N4BP2L2: variants seen among roughly 807,000 people sequenced by gnomAD.
The protein encoded by N4BP2L2 is NEDD4-binding protein 2-like 2.
A neutral mutation model predicts 56.2 loss-of-function variants in N4BP2L2; 50 were observed. The ratio of observed to expected loss-of-function variants is 0.89; its 90% CI spans 0.71 to 1.13. The LOEUF is 1.13. Among genes scored for constraint, N4BP2L2 ranks in the 50% most tolerant of loss-of-function variants. N4BP2L2 has a pLI of 0.00. For synonymous variants in N4BP2L2, 203 were observed against 223.6 expected (o/e 0.91, Z 0.82); for missense variants, 689 against 693.8 (o/e 0.99, Z 0.08).
downstream of N4BP2L2, among the ~76,000 whole-genome samples, chr13:32,509,652 T>C (rs968404192): frequency 2.0e-5 from 3 of 152,326 alleles, no homozygotes; most frequent in African/African-American, 7.2e-5. Flanking sequence ...TTACTTATAT[T>C]CTAGATAAAT....
chr13:32,438,840 A>G (rs1460774995), intron 7 of N4BP2L2: 1 of 749,516 alleles, frequency 1.3e-6, no homozygotes, highest in Non-Finnish European at 2.2e-6. Context: ...CATACCATTA[A>G]AAGTCTGGTT....
intron 6 of N4BP2L2, among the ~76,000 whole-genome samples, chr13:32,468,911 G>A (rs1802100973): frequency 6.6e-6 from 1 of 152,226 alleles, no homozygotes; most frequent in Admixed American, 6.5e-5. Context: ...CAACCTTGTA[G>A]CCCAGGGAAT....
intron 5 of N4BP2L2, among the ~76,000 whole-genome samples, chr13:32,520,972 G>A (rs142043972): frequency 3.7e-4 from 57 of 152,310 alleles, no homozygotes; most frequent in Non-Finnish European, 7.2e-4. Context: ...ATATTAAGAT[G>A]TTTGATTATA....
At chr13:32,451,827 C>CA (rs774383910) in intron 6 of N4BP2L2, among the ~76,000 whole-genome samples, 1 of 151,758 alleles carries the variant, frequency 6.6e-6, no homozygotes, top group South Asian at 2.1e-4. Flanking sequence ...CACACACAGC[C>CA]AAAAACACAA....
At chr13:32,521,860 C>T (rs1007150396) in intron 4 of N4BP2L2, 2 of 303,994 alleles carry the variant, frequency 6.6e-6, no homozygotes, top group Non-Finnish European at 1.2e-5. Flanking sequence ...CCTATAATCT[C>T]AGCTACTCAG....
At chr13:32,444,603 G>A (rs1824438612) in intron 6 of N4BP2L2, among the ~76,000 whole-genome samples, 1 of 152,190 alleles carries the variant, frequency 6.6e-6, no homozygotes, top group Non-Finnish European at 1.5e-5. Flanking sequence ...TTTAAAAAGA[G>A]ATATTTTAAT....
downstream of N4BP2L2, among the ~76,000 whole-genome samples, chr13:32,509,691 C>T (rs2091471746): frequency 6.6e-6 from 1 of 152,192 alleles, no homozygotes; most frequent in Admixed American, 6.5e-5. Context: ...CCAAGGGTTA[C>T]ATTGAACTAT....
chr13:32,452,519 T>G (rs757617548), intron 6 of N4BP2L2, among the ~76,000 whole-genome samples: 8 of 152,212 alleles, frequency 5.3e-5, no homozygotes, highest in Non-Finnish European at 1.0e-4. Context: ...CAAAACATTA[T>G]GATTTAACTG....
At position 32,536,224 on chromosome 13, in the gene N4BP2L2, C is replaced by G. The variant is rs35935628; in HGVS notation, c.804G>C (p.Trp268Cys). 2,110 of 1,613,876 alleles carry G rather than the reference C, an allele frequency of 1.3e-3. 30 individuals carry two copies. The African/African-American group carries it at 0.026, about 20-fold the overall frequency. Residue 268 changes from tryptophan to cysteine, a missense_variant, in exon 2 of 6, where the codon TGG becomes TGC. Coordinates refer to ENST00000267068, the Ensembl canonical transcript of N4BP2L2. Reference sequence around the variant, plus strand: ...GCACTATAAAAGGATATACTGACTGCCATTCAGGCCTGAAAGAAGTAAATG... The same window carrying G: ...GCACTATAAAAGGATATACTGACTGGCATTCAGGCCTGAAAGAAGTAAATG...
chr13:32,441,757 G>T (rs1478116895), intron 7 of N4BP2L2, among the ~76,000 whole-genome samples: 4 of 147,506 alleles, frequency 2.7e-5, no homozygotes, highest in South Asian at 4.3e-4. Context: ...AAAGTAGAAA[G>T]GTTTGGCCGG....
chr13:32,475,523 T>A (rs2083158369), intron 6 of N4BP2L2, among the ~76,000 whole-genome samples: 2 of 152,202 alleles, frequency 1.3e-5, no homozygotes, highest in Non-Finnish European at 2.9e-5. Context: ...GTATGACGTC[T>A]ACATAATGCA....
At chr13:32,535,405 A>C (rs912205180) in intron 2 of N4BP2L2, among the ~76,000 whole-genome samples, 1 of 152,230 alleles carries the variant, frequency 6.6e-6, no homozygotes, top group Non-Finnish European at 1.5e-5. Context: ...CCTTAGCAGA[A>C]TCTAAATATA....
intron 6 of N4BP2L2, among the ~76,000 whole-genome samples, chr13:32,460,009 A>G (rs183181378): frequency 3.9e-5 from 6 of 152,334 alleles, no homozygotes; most frequent in African/African-American, 1.4e-4. Context: ...AACATACACA[A>G]ATCAATAAAC....
chr13:32,466,141 C>T (rs991169119), intron 6 of N4BP2L2, among the ~76,000 whole-genome samples: 3 of 152,128 alleles, frequency 2.0e-5, no homozygotes, highest in African/African-American at 7.2e-5. Flanking sequence ...GAAAACAACC[C>T]ATCTATCCAT....
chr13:32,436,807 AAAAG>A (rs1325000092), intron 8 of N4BP2L2, among the ~76,000 whole-genome samples: 4 of 119,860 alleles, frequency 3.3e-5, no homozygotes, highest in African/African-American at 4.6e-5. Context: ...AAAAAAAAAA[AAAAG>A]AAAGGAAGAA....
rs138840631 is a variant in N4BP2L2, at chr13:32,438,605, A to G, written c.2190+47T>C. On this transcript the variant is annotated intron_variant, in intron 8 of 9. Transcript: ENST00000357505. ...CAAGAATGAAACTCCGTCTCAAACA[A>G]CAACAACAACAAAAATACATACACA... 2.3e-4 allele frequency: 342 copies of G among 1,456,686 alleles called. 2 individuals are homozygous for G. In the East Asian group the frequency reaches 5.7e-3, roughly 24 times the overall value. The allele number at this position is 1,456,686 out of a possible 1,614,324, so 90.2% of individuals were successfully genotyped here.
intron 6 of N4BP2L2, among the ~76,000 whole-genome samples, chr13:32,477,095 G>T (rs1416356856): frequency 6.6e-6 from 1 of 152,132 alleles, no homozygotes; most frequent in African/African-American, 2.4e-5. Context: ...TGCCTGAGGG[G>T]ATTACCAGTG....
chr13:32,465,256 T>C (rs7997972), intron 6 of N4BP2L2, among the ~76,000 whole-genome samples: 8,737 of 152,104 alleles, frequency 0.057, 851 homozygotes, highest in African/African-American at 0.2. Context: ...TGAGGCACTG[T>C]GCCCAGCCCG....
intron 6 of N4BP2L2, among the ~76,000 whole-genome samples, chr13:32,495,529 G>C (rs565605106): frequency 1.7e-4 from 26 of 152,096 alleles, no homozygotes; most frequent in Admixed American, 6.6e-5. Flanking sequence ...CCAGACGTGG[G>C]GCAACTCAAA....
Sources: allele counts gnomAD v4.1 joint callset (sites outside exome capture counted in the v4.1 genomes callset), GRCh38; gene constraint gnomAD v4.1.1; transcripts MANE v1.5; gene names NCBI Gene and HGNC (gene_info 2026-07-23, HGNC 2026-07-21).